The following PAX7 variants were observed in gnomAD, a reference collection of about 807,000 sequenced individuals.
PAX7 encodes the protein paired box 7, also known as paired box protein Pax-7.
In PAX7, 18 loss-of-function variants were observed where a neutral mutation model predicts 50.7. That is an observed-to-expected ratio of 0.36 (90% confidence interval 0.25 to 0.53). The LOEUF (loss-of-function observed/expected upper bound fraction) is 0.53. Among genes scored for constraint, PAX7 ranks in the 20% least tolerant of loss-of-function variants. The pLI is 0.93. For synonymous variants in PAX7, 310 were observed against 290.4 expected, an observed-to-expected ratio of 1.07 and a Z score of -0.69; for missense variants, 644 against 702.9, an observed-to-expected ratio of 0.92 and a Z score of 0.95.
Position 18,678,217 on chromosome 1 carries a change from G to C in PAX7, c.587-13537G>C, listed in dbSNP as rs141261935. The stretch of plus-strand genomic sequence containing the variant: ...ACCTGAGGTTGGGAATTCGTGACAA[G>C]CCTGACCAACATGGAGAAACCCTGT... On this transcript the variant is annotated intron_variant, in intron 4 of 8. Coordinates refer to ENST00000420770, the MANE Select transcript of PAX7 (RefSeq NM_001135254.2). Among the ~76,000 whole-genome samples, 1,062 of 152,278 alleles carry C rather than the reference G, an allele frequency of 7.0e-3. 17 individuals carry two copies. Among genetic ancestry groups the C allele is most frequent in the African/African-American group, 0.024 (988 of 41,548 alleles).
intron 4 of PAX7, among the ~76,000 whole-genome samples, chr1:18,674,249 C>G (rs1178461231): frequency 6.6e-6 from 1 of 152,130 alleles, no homozygotes; most frequent in Admixed American, 6.5e-5. Context: ...AGGGTTCCTC[C>G]AAATAATTCA....
At chr1:18,666,488 T>C (rs1485155532) in intron 4 of PAX7, among the ~76,000 whole-genome samples, 2 of 152,202 alleles carry the variant, frequency 1.3e-5, no homozygotes, top group Non-Finnish European at 2.9e-5. Flanking sequence ...TACCTGCAAA[T>C]GCCATAGTCT....
At chr1:18,707,628 T>C (rs1275118450) in intron 7 of PAX7, among the ~76,000 whole-genome samples, 1 of 152,102 alleles carries the variant, frequency 6.6e-6, no homozygotes, top group Non-Finnish European at 1.5e-5. Context: ...TTTCACCATG[T>C]TGGCCAGGCT....
chr1:18,742,036 T>C (rs1278902204), intron 8 of PAX7, among the ~76,000 whole-genome samples: 1 of 152,032 alleles, frequency 6.6e-6, no homozygotes, highest in Non-Finnish European at 1.5e-5. Flanking sequence ...TTGTAAGAAT[T>C]AAATGGAAAA....
At chr1:18,710,777 C>T (rs2089340661) in intron 7 of PAX7, among the ~76,000 whole-genome samples, 1 of 152,164 alleles carries the variant, frequency 6.6e-6, no homozygotes, top group Admixed American at 6.5e-5. Context: ...TATTCTTAAT[C>T]TCTCCATTCC....
intron 7 of PAX7, among the ~76,000 whole-genome samples, chr1:18,712,745 C>T (rs550182451): frequency 1.3e-5 from 2 of 152,266 alleles, no homozygotes; most frequent in African/African-American, 4.8e-5. Flanking sequence ...TTCAGCCCAC[C>T]TATCTGAGTC....
At position 18,670,257 on chromosome 1, in the gene PAX7, G is replaced by A. The variant is rs145961165; in HGVS notation, c.587-21497G>A. Among the ~76,000 whole-genome samples the A allele has an allele frequency of 4.4e-3, 671 of 152,288 alleles. 3 individuals carry two copies. The highest frequency in any genetic ancestry group is 0.014 in the African/African-American group (589 of 41,550). ...TAAAATGAAACAGTAAGTGCCTGTA[G>A]CTTGGTGTCCAGCAAATGATCCCAA... On this transcript the variant is annotated intron_variant, in intron 4 of 8. Transcript: ENST00000420770.
At chr1:18,668,978 T>C (rs552886697) in intron 4 of PAX7, among the ~76,000 whole-genome samples, 23 of 152,220 alleles carry the variant, frequency 1.5e-4, no homozygotes, top group Non-Finnish European at 2.5e-4. Flanking sequence ...GCCTTGGCTA[T>C]AGATGAGTTC....
chr1:18,638,843 A>T (rs754031494), intron 4 of PAX7, among the ~76,000 whole-genome samples: 47 of 152,276 alleles, frequency 3.1e-4, no homozygotes, highest in Middle Eastern at 6.8e-3. Flanking sequence ...TCTCTCTTCC[A>T]GGCCCCAGAC....
At chr1:18,693,352 G>A (rs1001731978) in intron 5 of PAX7, among the ~76,000 whole-genome samples, 4 of 152,168 alleles carry the variant, frequency 2.6e-5, no homozygotes, top group African/African-American at 7.2e-5. Flanking sequence ...TCGGGTCAGC[G>A]TGGTCACCCC....
chr1:18,741,166 G>A (rs931542135), intron 8 of PAX7, among the ~76,000 whole-genome samples: 1 of 152,072 alleles, frequency 6.6e-6, no homozygotes, highest in Non-Finnish European at 1.5e-5. Flanking sequence ...GATAAATACT[G>A]GGCCAGGCAT....
At chr1:18,642,332 G>A (rs545404621) in intron 4 of PAX7, among the ~76,000 whole-genome samples, 8 of 152,158 alleles carry the variant, frequency 5.3e-5, no homozygotes, top group East Asian at 1.9e-4. Context: ...GGTCCTGGCC[G>A]TGGCCCTGGA....
Position 18,636,466 on chromosome 1 carries a change from AC to A in PAX7, c.586+97del. ...TTCGCTCCCGCCGCCGGAGCAGGCGACCAGAACTCCAGCGGAGAAACTCTCA... is the reference window on the plus strand; with the variant it reads ...TTCGCTCCCGCCGCCGGAGCAGGCGACAGAACTCCAGCGGAGAAACTCTCA... On this transcript the variant is annotated intron_variant, in intron 4 of 8. Coordinates refer to ENST00000420770, the MANE Select transcript of PAX7 (RefSeq NM_001135254.2). This position sits in a 1 kb window ranked among gnomAD's most constrained non-coding sequence, Gnocchi z 5.1. 1.4e-6 allele frequency: 2 copies of A among 1,431,522 alleles called. No individual in the cohort carries two copies. The highest frequency in any genetic ancestry group is 1.9e-6 in the Non-Finnish European group (2 of 1,049,412). 88.7% of individuals were successfully genotyped at this position (1,431,522 alleles called of 1,614,324 possible). A position where few individuals can be genotyped will look rare whatever the true frequency, so the allele number is the denominator to read the frequency against.
intron 4 of PAX7, among the ~76,000 whole-genome samples, chr1:18,684,228 A>G (rs943857045): frequency 6.6e-6 from 1 of 152,210 alleles, no homozygotes; most frequent in Non-Finnish European, 1.5e-5. Flanking sequence ...TTCCAAGCTA[A>G]CAGGGACTCG....
intron 4 of PAX7, among the ~76,000 whole-genome samples, chr1:18,641,345 G>T (rs1054248589): frequency 2.0e-5 from 3 of 152,232 alleles, no homozygotes; most frequent in African/African-American, 7.2e-5. Context: ...TGGAAGGGAG[G>T]GGACTGGGAG....
At chr1:18,733,882 G>A (rs962928954) in intron 7 of PAX7, among the ~76,000 whole-genome samples, 2 of 152,142 alleles carry the variant, frequency 1.3e-5, no homozygotes, top group South Asian at 2.1e-4. Context: ...GGGAAGCCAC[G>A]GCCCCTTTGC....
intron 1 of PAX7, among the ~76,000 whole-genome samples, chr1:18,633,335 G>T (rs1477933659): frequency 6.6e-6 from 1 of 152,038 alleles, no homozygotes; most frequent in Non-Finnish European, 1.5e-5. Context: ...GGATTAGTGC[G>T]CTGGGTGTCC....
chr1:18,699,062 ACC>A (rs1329239038), intron 5 of PAX7, among the ~76,000 whole-genome samples: 3 of 152,082 alleles, frequency 2.0e-5, no homozygotes, highest in Non-Finnish European at 4.4e-5. Context: ...CAGCAAAGGC[ACC>A]CCAGTGCCAA....
chr1:18,640,504 G>A (rs777298467), intron 4 of PAX7, among the ~76,000 whole-genome samples: 15 of 151,922 alleles, frequency 9.9e-5, no homozygotes, highest in East Asian at 2.0e-4. Flanking sequence ...AGGAGCCTTG[G>A]AAGCGGGGGC....
Sources: gnomAD v4.1 joint callset for allele counts (sites outside exome capture counted in the v4.1 genomes callset) on GRCh38, gnomAD v4.1.1 for gene constraint, Gnocchi (gnomAD v3.1) non-coding constraint, MANE v1.5 for transcripts, NCBI Gene and HGNC (gene_info 2026-07-23, HGNC 2026-07-21) for gene names.